Variants in DNAJC3 observed in about 807,000 individuals in gnomAD.
DNAJC3 encodes dnaJ homolog subfamily C member 3.
DNAJC3 carries 38 observed loss-of-function variants against 68.6 expected under a neutral mutation model. That is an observed-to-expected ratio of 0.55 (90% confidence interval 0.43 to 0.73). The LOEUF is 0.73. Ranked by LOEUF, DNAJC3 falls within the 30% of genes least tolerant of loss-of-function variation. The pLI, the probability that DNAJC3 is intolerant of heterozygous loss-of-function variation, is 0.00. For synonymous variants in DNAJC3, 203 were observed against 204.0 expected (o/e 1.00, Z 0.04); for missense variants, 526 against 591.9 (o/e 0.89, Z 1.16).
At chr13:95,748,076 T>C (rs1163747826) in intron 4 of DNAJC3, among the ~76,000 whole-genome samples, 1 of 152,246 alleles carries the variant, frequency 6.6e-6, no homozygotes, top group Non-Finnish European at 1.5e-5. Flanking sequence ...TTTAAACTCA[T>C]CTATTCTTGG....
chr13:95,735,626 G>A (rs1223835234), intron 4 of DNAJC3, among the ~76,000 whole-genome samples: 3 of 150,722 alleles, frequency 2.0e-5, no homozygotes, highest in African/African-American at 7.4e-5. Context: ...CTTCTTTTGA[G>A]AAGTGTCTGT....
chr13:95,679,639 A>G (rs541960955), intron 1 of DNAJC3, among the ~76,000 whole-genome samples: 2 of 152,228 alleles, frequency 1.3e-5, no homozygotes, highest in African/African-American at 4.8e-5. Context: ...ATTGTGTTGT[A>G]TTAAGGATTT....
At chr13:95,745,973 G>A (rs944659016) in intron 4 of DNAJC3, among the ~76,000 whole-genome samples, 4 of 152,172 alleles carry the variant, frequency 2.6e-5, no homozygotes, top group Non-Finnish European at 2.9e-5. Context: ...CACCTCTAGG[G>A]GCAGAGGACT....
intron 4 of DNAJC3, among the ~76,000 whole-genome samples, chr13:95,750,130 C>G (rs1882427761): frequency 6.6e-6 from 1 of 152,122 alleles, no homozygotes. Context: ...AATCGAACGC[C>G]TAAATGGCAT....
At chr13:95,751,294 A>G (rs999896764) in intron 4 of DNAJC3, among the ~76,000 whole-genome samples, 19 of 152,244 alleles carry the variant, frequency 1.2e-4, no homozygotes, top group African/African-American at 4.6e-4. Flanking sequence ...GTTGCAGGAA[A>G]TAAGTCCTAA....
At chr13:95,748,547 G>C (rs1882378874) in intron 4 of DNAJC3, among the ~76,000 whole-genome samples, 1 of 152,172 alleles carries the variant, frequency 6.6e-6, no homozygotes, top group African/African-American at 2.4e-5. Context: ...TGGGTGAGGT[G>C]GCTCACGCCT....
At chr13:95,711,186 CAT>C (rs1305971666) in intron 2 of DNAJC3, among the ~76,000 whole-genome samples, 1 of 152,144 alleles carries the variant, frequency 6.6e-6, no homozygotes, top group African/African-American at 2.4e-5. Context: ...TCATAGGAAA[CAT>C]ATTTTTTTGA....
intron 2 of DNAJC3, 133 bp from the exon 3 acceptor site, chr13:95,723,109 T>G (rs1881389751): frequency 5.8e-6 from 5 of 856,508 alleles, no homozygotes; most frequent in Non-Finnish European, 8.4e-6. Context: ...GACTCTTTTT[T>G]GATGATGAGA....
intron 4 of DNAJC3, among the ~76,000 whole-genome samples, chr13:95,756,031 C>A (rs1363166802): frequency 1.3e-5 from 2 of 152,132 alleles, no homozygotes; most frequent in Non-Finnish European, 2.9e-5. Context: ...GGCTTCTCCT[C>A]TCACCTTCCA....
chr13:95,738,052 C>G (rs1315377382), intron 4 of DNAJC3, among the ~76,000 whole-genome samples: 10 of 145,398 alleles, frequency 6.9e-5, no homozygotes, highest in Admixed American at 4.9e-4. Context: ...CAAAGAACAT[C>G]TTTATTTCTG....
At chr13:95,777,264 GT>G (rs1883318164) in intron 9 of DNAJC3, among the ~76,000 whole-genome samples, 2 of 152,060 alleles carry the variant, frequency 1.3e-5, no homozygotes, top group South Asian at 4.1e-4. Flanking sequence ...CTGGGGCCAG[GT>G]TTTTTGTTTT....
chr13:95,690,612 G>A (rs1880206957), intron 1 of DNAJC3, among the ~76,000 whole-genome samples: 1 of 149,670 alleles, frequency 6.7e-6, no homozygotes, highest in Non-Finnish European at 1.5e-5. Context: ...GCCAGGCGGG[G>A]GGCTGACCCC....
intron 4 of DNAJC3, among the ~76,000 whole-genome samples, chr13:95,737,184 G>T (rs1368202720): frequency 4.0e-5 from 6 of 151,126 alleles, no homozygotes; most frequent in Non-Finnish European, 7.4e-5. Flanking sequence ...CTTGATCATG[G>T]TGGAGAAGCT....
intron 1 of DNAJC3, among the ~76,000 whole-genome samples, chr13:95,697,263 T>C (rs1880465507): frequency 6.6e-6 from 1 of 152,216 alleles, no homozygotes; most frequent in South Asian, 2.1e-4. Flanking sequence ...AAGACTTCGT[T>C]TCTCTTTCGT....
At chr13:95,679,052 C>G (rs1566462459) in intron 1 of DNAJC3, among the ~76,000 whole-genome samples, 1 of 152,096 alleles carries the variant, frequency 6.6e-6, no homozygotes. Flanking sequence ...GGTATTCATT[C>G]CTACTTTACA....
chr13:95,765,988 C>T (rs1480639795), intron 9 of DNAJC3, among the ~76,000 whole-genome samples: 1 of 152,090 alleles, frequency 6.6e-6, no homozygotes, highest in Non-Finnish European at 1.5e-5. Context: ...GGAAAAGAGC[C>T]TGTATAACTG....
chr13:95,733,545 CCACATCACCACAT>C (rs1231099332), intron 4 of DNAJC3, among the ~76,000 whole-genome samples: 4 of 152,016 alleles, frequency 2.6e-5, no homozygotes, highest in Non-Finnish European at 5.9e-5. Flanking sequence ...GCGCATACCA[CCACATCACCACAT>C]CCAGCTAATT....
intron 1 of DNAJC3, among the ~76,000 whole-genome samples, chr13:95,685,122 T>C (rs1686992850): frequency 6.6e-6 from 1 of 152,234 alleles, no homozygotes; most frequent in Non-Finnish European, 1.5e-5. Flanking sequence ...GCTTGCACCA[T>C]GCACCTGGAA....
chr13:95,693,010 T>A (rs1307314578), intron 1 of DNAJC3: 4 of 152,094 alleles, frequency 2.6e-5, no homozygotes, highest in Non-Finnish European at 5.9e-5. Context: ...TTAGTAGAGA[T>A]GGGGTTTCAC....
Sources: allele counts gnomAD v4.1 joint callset (sites outside exome capture counted in the v4.1 genomes callset), GRCh38; gene constraint gnomAD v4.1.1; transcripts MANE v1.5; gene names NCBI Gene and HGNC (gene_info 2026-07-23, HGNC 2026-07-21).